Variants in EPHA5 observed in about 807,000 individuals in gnomAD.
EPHA5 encodes the protein EPH receptor A5, also known as ephrin type-A receptor 5.
In EPHA5, 60 loss-of-function variants were observed where a neutral mutation model predicts 105.0. The observed-to-expected ratio is 0.57, with a 90% CI of 0.46 to 0.71. EPHA5 has a LOEUF of 0.71. EPHA5 is among the 30% of genes least tolerant of loss of function. The probability of loss-of-function intolerance (pLI) is 0.00; values close to 1 mark genes in which losing one functional copy is unlikely to be tolerated. For missense variants in EPHA5, 1,218 were observed against 1,274.7 expected, an observed-to-expected ratio of 0.96 and a Z score of 0.68; for synonymous variants, 513 against 449.1, an observed-to-expected ratio of 1.14 and a Z score of -1.80.
intron 5 of EPHA5, among the ~76,000 whole-genome samples, chr4:65,446,161 C>T (rs539209372): frequency 4.7e-4 from 71 of 152,202 alleles, no homozygotes; most frequent in African/African-American, 1.7e-3. Flanking sequence ...GTTACAATGC[C>T]TTCAATAACT....
intron 8 of EPHA5, among the ~76,000 whole-genome samples, chr4:65,397,870 A>C (rs553742738): frequency 5.2e-4 from 79 of 152,194 alleles, no homozygotes; most frequent in African/African-American, 1.6e-3. Context: ...TCCCTATCCT[A>C]ATGGCAGTTA....
At chr4:65,602,991 A>C (rs913717045) in intron 2 of EPHA5, among the ~76,000 whole-genome samples, 14 of 152,128 alleles carry the variant, frequency 9.2e-5, no homozygotes, top group African/African-American at 3.4e-4. Flanking sequence ...ATATGAAAGA[A>C]AGATTAAAAA....
chr4:65,363,428 T>C (rs1022627945), intron 11 of EPHA5, among the ~76,000 whole-genome samples: 9 of 151,606 alleles, frequency 5.9e-5, no homozygotes. Context: ...GCAGAGTCCA[T>C]GTTCTTGACT....
At chr4:65,367,626 C>T (rs1480598866) in intron 8 of EPHA5, among the ~76,000 whole-genome samples, 1 of 152,040 alleles carries the variant, frequency 6.6e-6, no homozygotes, top group Non-Finnish European at 1.5e-5. Flanking sequence ...TAATCTTGCC[C>T]AGATTTCACT....
At chr4:65,654,396 A>G (rs1748883365) in intron 1 of EPHA5, among the ~76,000 whole-genome samples, 1 of 151,994 alleles carries the variant, frequency 6.6e-6, no homozygotes, top group Admixed American at 6.6e-5. Flanking sequence ...TATAACACCT[A>G]CAATGAGGGT....
At chr4:65,553,959 C>T (rs1310223895) in intron 3 of EPHA5, among the ~76,000 whole-genome samples, 2 of 151,854 alleles carry the variant, frequency 1.3e-5, no homozygotes, top group African/African-American at 4.8e-5. Context: ...ACAAAGCAGA[C>T]ATATATAAAA....
At chr4:65,434,507 A>T (rs1421362770) in intron 5 of EPHA5, among the ~76,000 whole-genome samples, 1 of 152,170 alleles carries the variant, frequency 6.6e-6, no homozygotes, top group Non-Finnish European at 1.5e-5. Context: ...ATATCCAAAC[A>T]CTTTCCACGG....
chr4:65,407,142 T>A (rs1012053236), intron 7 of EPHA5, among the ~76,000 whole-genome samples: 8 of 152,226 alleles, frequency 5.3e-5, no homozygotes, highest in African/African-American at 1.9e-4. Flanking sequence ...GTTTCCCTGA[T>A]CAAAAACTTT....
intron 2 of EPHA5, among the ~76,000 whole-genome samples, chr4:65,619,587 T>C (rs867123573): frequency 7.9e-5 from 12 of 152,226 alleles, no homozygotes; most frequent in African/African-American, 2.9e-4. Context: ...AAATGAAAAA[T>C]GAGTAAGGAC....
chr4:65,658,569 A>T (rs1749267559), intron 1 of EPHA5, among the ~76,000 whole-genome samples: 1 of 152,120 alleles, frequency 6.6e-6, no homozygotes, highest in African/African-American at 2.4e-5. Flanking sequence ...AATACTTAAC[A>T]TATATATTAT....
chr4:65,389,283 A>T (rs1346009952), intron 8 of EPHA5, among the ~76,000 whole-genome samples: 1 of 152,084 alleles, frequency 6.6e-6, no homozygotes, highest in Non-Finnish European at 1.5e-5. Flanking sequence ...TCTCTTGAAC[A>T]ACATTAGCTT....
At chr4:65,477,403 TG>T (rs1433432164) in intron 5 of EPHA5, among the ~76,000 whole-genome samples, 1 of 151,996 alleles carries the variant, frequency 6.6e-6, no homozygotes, top group Non-Finnish European at 1.5e-5. Context: ...GTTTTTTGTT[TG>T]TTTTTTTGTT....
At chr4:65,405,046 A>T (rs1014524469) in intron 7 of EPHA5, among the ~76,000 whole-genome samples, 18 of 152,212 alleles carry the variant, frequency 1.2e-4, no homozygotes, top group African/African-American at 4.3e-4. Context: ...TATTTCATAA[A>T]TAAATTCACT....
At chr4:65,447,164 T>C (rs1423228129) in intron 5 of EPHA5, among the ~76,000 whole-genome samples, 1 of 151,926 alleles carries the variant, frequency 6.6e-6, no homozygotes, top group Non-Finnish European at 1.5e-5. Flanking sequence ...TTTTTACTTA[T>C]TGTTCTTCTG....
intron 2 of EPHA5, among the ~76,000 whole-genome samples, chr4:65,641,765 A>G (rs192422081): frequency 2.6e-5 from 4 of 152,144 alleles, no homozygotes; most frequent in Non-Finnish European, 5.9e-5. Flanking sequence ...ATTACTCAAC[A>G]TAATTACAAG....
intron 6 of EPHA5, among the ~76,000 whole-genome samples, chr4:65,415,619 T>C (rs1723314130): frequency 6.6e-6 from 1 of 152,062 alleles, no homozygotes; most frequent in Non-Finnish European, 1.5e-5. Flanking sequence ...TTCTGATTCA[T>C]CCTAGGCAAA....
At chr4:65,512,794 T>G (rs955107602) in intron 3 of EPHA5, among the ~76,000 whole-genome samples, 17 of 152,148 alleles carry the variant, frequency 1.1e-4, no homozygotes, top group African/African-American at 4.1e-4. Flanking sequence ...GGCCGTTGTG[T>G]TTCATACCGA....
chr4:65,625,837 C>A (rs1336693634), intron 2 of EPHA5, among the ~76,000 whole-genome samples: 2 of 152,128 alleles, frequency 1.3e-5, no homozygotes, highest in East Asian at 1.9e-4. Context: ...CGCGGCCGGG[C>A]GCGGTGACTC....
intron 3 of EPHA5, among the ~76,000 whole-genome samples, chr4:65,588,231 T>G (rs1252794436): frequency 1.3e-5 from 2 of 152,158 alleles, no homozygotes; most frequent in African/African-American, 4.8e-5. Flanking sequence ...TCAACCCTTC[T>G]TCTTGCCTTA....
Sources: allele counts gnomAD v4.1 joint callset (sites outside exome capture counted in the v4.1 genomes callset), GRCh38; gene constraint gnomAD v4.1.1; transcripts MANE v1.5; gene names NCBI Gene and HGNC (gene_info 2026-07-23, HGNC 2026-07-21).